The following AGBL2 variants were observed in gnomAD, a reference collection of about 807,000 sequenced individuals.
AGBL2 encodes the protein AGBL carboxypeptidase 2, also known as cytosolic carboxypeptidase 2.
In AGBL2, 87 loss-of-function variants were observed where a neutral mutation model predicts 103.0. The observed-to-expected ratio is 0.84, with a 90% CI of 0.71 to 1.01. AGBL2 has a LOEUF of 1.01. Ranked by LOEUF, AGBL2 falls within the 50% of genes least tolerant of loss-of-function variation. The pLI, the probability that AGBL2 is intolerant of heterozygous loss-of-function variation, is 0.00. For missense variants in AGBL2, 904 were observed against 1,023.5 expected, an observed-to-expected ratio of 0.88 and a Z score of 1.59; for synonymous variants, 335 against 356.7, an observed-to-expected ratio of 0.94 and a Z score of 0.69.
At chr11:47,694,278 G>T (rs2097458930) in intron 8 of AGBL2, among the ~76,000 whole-genome samples, 1 of 150,864 alleles carries the variant, frequency 6.6e-6, no homozygotes, top group Non-Finnish European at 1.5e-5. Flanking sequence ...GACTGGCTTT[G>T]AGGTGAGGCA....
chr11:47,667,069 A>G lies in AGBL2; in HGVS notation c.2341-6T>C. The G allele has an allele frequency of 6.4e-7, 1 of 1,569,224 alleles. No homozygotes were observed. The highest frequency in any genetic ancestry group is 8.7e-7 in the Non-Finnish European group (1 of 1,155,670). On this transcript the variant is annotated splice_polypyrimidine_tract_variant and splice_region_variant and intron_variant, in intron 16 of 18. Coordinates refer to ENST00000525123, the MANE Select transcript of AGBL2 (RefSeq NM_024783.4). ...GAAGCAAATCCTGCCTTTTCCTAGG[A>G]TTGAGTGAAAAGAGAATCTTTTTCA...
chr11:47,703,598 C>T (rs1163661134), intron 7 of AGBL2, among the ~76,000 whole-genome samples: 2 of 151,770 alleles, frequency 1.3e-5, no homozygotes, highest in Admixed American at 1.3e-4. Flanking sequence ...TGAGACCAGC[C>T]TGGCCAACAT....
chr11:47,714,263 T>C (rs779611316), intron 3 of AGBL2, 21 bp downstream of exon 3: 10 of 1,596,986 alleles, frequency 6.3e-6, no homozygotes, highest in African/African-American at 2.7e-5. Flanking sequence ...AAGGTGATAC[T>C]AGATAAGAAC....
intron 16 of AGBL2, 83 bp downstream of exon 16, chr11:47,667,488 A>G: frequency 6.6e-7 from 1 of 1,512,934 alleles, no homozygotes; most frequent in Non-Finnish European, 8.9e-7. Flanking sequence ...TTTGGTTTAG[A>G]GTAAACTTTA....
At chr11:47,711,830 C>A (rs557352501) in intron 3 of AGBL2, among the ~76,000 whole-genome samples, 1 of 152,178 alleles carries the variant, frequency 6.6e-6, no homozygotes, top group African/African-American at 2.4e-5. Flanking sequence ...CCACCACGCC[C>A]GGCCTGAAGT....
Position 47,705,641 on chromosome 11 carries a change from C to CAAAAAAAAA in AGBL2, c.287-16_287-8dup, listed in dbSNP as rs71228117. 4.8e-6 allele frequency: 2 copies of CAAAAAAAAA among 412,864 alleles called. No individual in the cohort carries two copies. Among genetic ancestry groups the CAAAAAAAAA allele is most frequent in the African/African-American group, 2.6e-5 (1 of 37,888 alleles). The allele number at this position is 412,864 out of a possible 1,614,324, so 25.6% of individuals were successfully genotyped here. On this transcript the variant is annotated splice_polypyrimidine_tract_variant and splice_region_variant and intron_variant, in intron 5 of 18. Transcript: ENST00000525123. ...CCCAGGCAAGAGTGAAAGTCTGTGTCAAAAAAAAAAAAAAAAGAAAAAGAA... is the reference window on the plus strand; with the variant it reads ...CCCAGGCAAGAGTGAAAGTCTGTGTCAAAAAAAAAAAAAAAAAAAAAAAAAGAAAAAGAA...
chr11:47,698,223 G>T (rs969586933), intron 8 of AGBL2, among the ~76,000 whole-genome samples: 1 of 140,736 alleles, frequency 7.1e-6, no homozygotes, highest in African/African-American at 2.7e-5. Flanking sequence ...GCCCAGGCTG[G>T]AGTGCATGGC....
chr11:47,699,084 G>C (rs1207107424), intron 8 of AGBL2, among the ~76,000 whole-genome samples: 1 of 151,776 alleles, frequency 6.6e-6, no homozygotes, highest in Non-Finnish European at 1.5e-5. Context: ...ACAGGAAACT[G>C]CATTACTAAA....
chr11:47,699,512 C>T lies in AGBL2; in HGVS notation c.628G>A (p.Gly210Arg), dbSNP rs2097489827. 1.2e-6 allele frequency: 2 copies of T among 1,609,496 alleles called. No homozygotes were observed. The highest frequency in any genetic ancestry group is 1.7e-6 in the Non-Finnish European group (2 of 1,178,146). The part of the protein sequence containing the change: ...PQPEYFYQPK[G>R]NEKVPEIVGE... ...ACAATCTCTGGTACCTTTTCATTTC[C>T]TTTAGGCTGATAGAAATATTCTGGT... is the stretch of plus-strand genomic sequence containing the variant. The change falls in exon 8 of 19, where the codon GGA (glycine) becomes AGA (arginine). Residue 210 changes from glycine (G) to arginine (R), a missense_variant. Gly to Arg is a moderately radical substitution (Grantham distance 125). Transcript: ENST00000525123.
In AGBL2 at chr11:47,667,397, C is replaced by T. The variant is rs12221935; in HGVS notation, c.2340+174G>A. ...TTCAGTGGGCCAAGGCCAAAACCTG[C>T]TCGGAGATGTCCGGAGGGCCCCTGG... On this transcript the variant is annotated intron_variant, in intron 16 of 18. Coordinates refer to ENST00000525123, the MANE Select transcript of AGBL2 (RefSeq NM_024783.4). Among the ~76,000 whole-genome samples the T allele has an allele frequency of 9.7e-4, 147 of 152,304 alleles. No homozygotes were observed. The East Asian group carries it at 0.018, about 18-fold the overall frequency.
chr11:47,675,987 A>G (rs2097373463), intron 14 of AGBL2, among the ~76,000 whole-genome samples: 1 of 151,948 alleles, frequency 6.6e-6, no homozygotes, highest in Non-Finnish European at 1.5e-5. Flanking sequence ...GCCTGGGTGG[A>G]GAGCAACACC....
intron 15 of AGBL2, 57 bp downstream of exon 15, chr11:47,668,784 T>C: frequency 7.6e-7 from 1 of 1,322,410 alleles, no homozygotes; most frequent in Non-Finnish European, 1.1e-6. Context: ...AATTGTCTGG[T>C]AGTGTCATGA....
chr11:47,668,867 C>T lies in AGBL2; in HGVS notation c.2188G>A (p.Val730Ile), dbSNP rs1228062109. The T allele has an allele frequency of 1.9e-6, 3 of 1,613,354 alleles. No individual in the cohort carries two copies. The highest frequency in any genetic ancestry group is 1.7e-5 in the Admixed American group (1 of 59,974). The change falls in exon 15 of 19, where the codon GTT becomes ATT. Residue 730 changes from valine (V) to isoleucine (I), a missense_variant. By Grantham distance (29) the Val-to-Ile change is conservative. Transcript: ENST00000525123. ...SDSSLSDGLP[V>I]HLANIADELT... ...TCATCTGCTATGTTTGCTAGGTGAA[C>T]AGGAAGACCATCTGAGAGAGAACTG... is the stretch of plus-strand genomic sequence containing the variant.
At chr11:47,699,652 G>T in intron 7 of AGBL2, 99 bp from the exon 8 acceptor site, 1 of 650,250 alleles carries the variant, frequency 1.5e-6, no homozygotes, top group Non-Finnish European at 2.4e-6. Context: ...CAAATGGCTA[G>T]TTTGGTTGAA....
In AGBL2 at chr11:47,677,364, C is replaced by T. The variant is rs568088440; in HGVS notation, c.2054G>A (p.Arg685Gln). Residue 685 changes from arginine to glutamine, a missense_variant, in exon 14 of 19, where the codon CGA (arginine) becomes CAA (glutamine). Transcript: ENST00000525123. ...QCLAELKELL[R>Q]QEIHKKFHEL... is the part of the protein sequence containing the mutation. ...ATGGAATTTCTTGTGGATTTCCTGT[C>T]GTAAAAGCTCCTTAAGCTCTGCTAG... is the stretch of plus-strand genomic sequence containing the variant. 18 of 1,610,182 alleles carry T rather than the reference C, an allele frequency of 1.1e-5. No homozygotes were observed. Among genetic ancestry groups the T allele is most frequent in the African/African-American group, 2.7e-5 (2 of 74,728 alleles).
chr11:47,689,095 G>A (rs922617033), intron 10 of AGBL2, among the ~76,000 whole-genome samples: 16 of 151,926 alleles, frequency 1.1e-4, no homozygotes, highest in Non-Finnish European at 1.5e-5. Flanking sequence ...TTTAAGGTGG[G>A]TGCTATTACA....
intron 14 of AGBL2, among the ~76,000 whole-genome samples, chr11:47,675,022 C>A (rs1598929916): frequency 2.0e-5 from 3 of 151,986 alleles, no homozygotes; most frequent in Admixed American, 1.3e-4. Flanking sequence ...GTGTGAGCCA[C>A]CGCGCCTGAT....
At position 47,699,520 on chromosome 11, in the gene AGBL2, T is replaced by G; in HGVS notation, c.620A>C (p.Gln207Pro). The G allele has an allele frequency of 4.4e-6, 7 of 1,609,130 alleles. No individual in the cohort carries two copies. Among genetic ancestry groups the G allele is most frequent in the African/African-American group, 1.3e-5 (1 of 74,860 alleles). The change falls in exon 8 of 19, where the codon CAG becomes CCG. Residue 207 changes from glutamine (Q) to proline (P), a missense_variant. By Grantham distance (76) the Gln-to-Pro change is moderately conservative. Coordinates refer to ENST00000525123, the MANE Select transcript of AGBL2 (RefSeq NM_024783.4). ...TGGTACCTTTTCATTTCCTTTAGGC[T>G]GATAGAAATATTCTGGTTGAGGTGG... is the stretch of plus-strand genomic sequence containing the variant. ...WAPPQPEYFY[Q>P]PKGNEKVPEI...
At chr11:47,705,482 C>T in intron 6 of AGBL2, 39 bp downstream of exon 6, 1 of 283,386 alleles carries the variant, frequency 3.5e-6, no homozygotes, top group Non-Finnish European at 7.0e-6. Context: ...CCTGTCTCTA[C>T]TAAAAACATA....
Sources: gnomAD v4.1 joint callset for allele counts (sites outside exome capture counted in the v4.1 genomes callset) on GRCh38, gnomAD v4.1.1 for gene constraint, MANE v1.5 for transcripts, NCBI Gene and HGNC (gene_info 2026-07-23, HGNC 2026-07-21) for gene names.